Variants in TRPC4 observed in about 807,000 individuals in gnomAD.
TRPC4 encodes short transient receptor potential channel 4.
A neutral mutation model predicts 99.4 loss-of-function variants in TRPC4; 49 were observed. The observed-to-expected ratio is 0.49, with a 90% CI of 0.39 to 0.63. The LOEUF (loss-of-function observed/expected upper bound fraction) is 0.63. Ranked by LOEUF, TRPC4 falls within the 20% of genes least tolerant of loss-of-function variation. The pLI is 0.00. For missense variants in TRPC4, 898 were observed against 1,152.9 expected, an observed-to-expected ratio of 0.78 and a Z score of 3.20; for synonymous variants, 454 against 425.9, an observed-to-expected ratio of 1.07 and a Z score of -0.81.
At chr13:37,831,585 G>A (rs1024628582) in intron 1 of TRPC4, among the ~76,000 whole-genome samples, 2 of 152,100 alleles carry the variant, frequency 1.3e-5, no homozygotes, top group Admixed American at 6.6e-5. Flanking sequence ...GCCTTCCCAT[G>A]TTCATTACAG....
chr13:37,712,847 A>G (rs923256777), intron 3 of TRPC4, among the ~76,000 whole-genome samples: 3 of 152,150 alleles, frequency 2.0e-5, no homozygotes, highest in African/African-American at 7.2e-5. Context: ...AACACTGCAA[A>G]TGAGTTGCTT....
intron 1 of TRPC4, among the ~76,000 whole-genome samples, chr13:37,822,002 CTA>C (rs562932525): frequency 4.1e-4 from 62 of 152,102 alleles, no homozygotes; most frequent in African/African-American, 1.5e-3. Context: ...GGAAAAGAAA[CTA>C]TTAACAGATT....
chr13:37,789,546 A>C lies in TRPC4; in HGVS notation c.-27-6186T>G, dbSNP rs1333336727. ...TAGGTGAATCAAGGAATTAATGATTATACTCTTAGAGTTTTACTCTGCCAT... is the reference window on the plus strand; with the variant it reads ...TAGGTGAATCAAGGAATTAATGATTCTACTCTTAGAGTTTTACTCTGCCAT... On this transcript the variant is annotated intron_variant, in intron 1 of 10. Coordinates refer to ENST00000379705, the MANE Select transcript of TRPC4 (RefSeq NM_016179.4). 2.0e-5 allele frequency among the ~76,000 whole-genome samples: 3 copies of C among 152,186 alleles called. No individual in the cohort carries two copies. The South Asian group carries it at 6.2e-4, about 31-fold the overall frequency.
At chr13:37,836,365 G>A (rs1958565807) in intron 1 of TRPC4, among the ~76,000 whole-genome samples, 1 of 152,078 alleles carries the variant, frequency 6.6e-6, no homozygotes, top group Non-Finnish European at 1.5e-5. Context: ...GACAGTTTGG[G>A]GGGCTCAGAA....
intron 3 of TRPC4, among the ~76,000 whole-genome samples, chr13:37,736,795 C>A (rs761625855): frequency 2.1e-4 from 32 of 152,022 alleles, no homozygotes; most frequent in Non-Finnish European, 4.3e-4. Flanking sequence ...CTGGCGCAAT[C>A]ATGGCTCACT....
chr13:37,665,329 A>C (rs9603247), intron 5 of TRPC4, among the ~76,000 whole-genome samples: 37,190 of 152,130 alleles, frequency 0.24, 5,205 homozygotes, highest in East Asian at 0.68. Context: ...CTTGAGAAAT[A>C]TCCCCCTATG....
At chr13:37,806,489 G>A (rs1957532891) in intron 1 of TRPC4, among the ~76,000 whole-genome samples, 1 of 151,950 alleles carries the variant, frequency 6.6e-6, no homozygotes, top group African/African-American at 2.4e-5. Context: ...ATTTCCCAAG[G>A]ACCTTTTAGC....
intron 3 of TRPC4, among the ~76,000 whole-genome samples, chr13:37,737,226 G>GTAA (rs141469952): frequency 0.27 from 39,492 of 148,228 alleles, 6,573 homozygotes; most frequent in East Asian, 0.56. Flanking sequence ...ACAAAAAATA[G>GTAA]TAATAATAAT....
At chr13:37,679,526 A>T (rs974678413) in intron 4 of TRPC4, among the ~76,000 whole-genome samples, 2 of 152,202 alleles carry the variant, frequency 1.3e-5, no homozygotes, top group Non-Finnish European at 2.9e-5. Flanking sequence ...TCTATCATTA[A>T]TTAGTGAAAA....
chr13:37,793,361 G>A (rs1196855598), intron 1 of TRPC4, among the ~76,000 whole-genome samples: 1 of 151,880 alleles, frequency 6.6e-6, no homozygotes, highest in Non-Finnish European at 1.5e-5. Context: ...ATATATACAT[G>A]TGCCATGTTG....
At chr13:37,740,627 A>G (rs1955555522) in intron 3 of TRPC4, among the ~76,000 whole-genome samples, 1 of 152,134 alleles carries the variant, frequency 6.6e-6, no homozygotes, top group Non-Finnish European at 1.5e-5. Context: ...TACTAAGGCT[A>G]CACCCTATGT....
In TRPC4 at chr13:37,747,758, G is replaced by T. The variant is rs113094774; in HGVS notation, c.379-1303C>A. The stretch of plus-strand genomic sequence containing the variant: ...TAAAGATAATAGGAATGAAATTATC[G>T]ATTTAAAATATCCTTTACAGAGGTA... On this transcript the variant is annotated intron_variant, in intron 2 of 10. Coordinates refer to ENST00000379705, the MANE Select transcript of TRPC4 (RefSeq NM_016179.4). Among the ~76,000 whole-genome samples, 443 of 152,210 alleles carry T rather than the reference G, an allele frequency of 2.9e-3. 3 individuals are homozygous for T. The highest frequency in any genetic ancestry group is 0.01 in the African/African-American group (422 of 41,554).
chr13:37,704,323 A>C (rs1028038002), intron 3 of TRPC4, among the ~76,000 whole-genome samples: 2 of 152,294 alleles, frequency 1.3e-5, no homozygotes, highest in Admixed American at 1.3e-4. Flanking sequence ...TTTTACAAAA[A>C]CTTACCAAAG....
chr13:37,716,055 A>T (rs780269388), intron 3 of TRPC4, among the ~76,000 whole-genome samples: 2 of 152,194 alleles, frequency 1.3e-5, no homozygotes, highest in African/African-American at 2.4e-5. Context: ...TTAGAATGTA[A>T]TATGTTGTTT....
intron 3 of TRPC4, among the ~76,000 whole-genome samples, chr13:37,736,488 G>A (rs4941877): frequency 6.4e-4 from 97 of 152,240 alleles, no homozygotes; most frequent in Admixed American, 1.2e-3. Flanking sequence ...CTGAGGTGTA[G>A]CAGTCAGGTT....
intron 1 of TRPC4, among the ~76,000 whole-genome samples, chr13:37,832,562 A>G (rs1958452073): frequency 6.6e-6 from 1 of 151,978 alleles, no homozygotes; most frequent in African/African-American, 2.4e-5. Context: ...AACAACAAAA[A>G]CTCAATTTAT....
chr13:37,838,310 C>T lies in TRPC4; in HGVS notation c.-28+31285G>A, dbSNP rs555066211. Among the ~76,000 whole-genome samples the T allele has an allele frequency of 1.8e-3, 278 of 152,276 alleles. 1 individual carries two copies. The highest frequency in any genetic ancestry group is 3.3e-3 in the Non-Finnish European group (225 of 68,012). ...GTCACCTGGGAACTTATTAGGAATG[C>T]AAATTCACATGCTCTACCTCTCACC... On this transcript the variant is annotated intron_variant, in intron 1 of 10. Coordinates refer to ENST00000379705, the MANE Select transcript of TRPC4 (RefSeq NM_016179.4).
rs1283540824 is a variant in TRPC4 at position 37,783,144 on chromosome 13, T to C, written c.190A>G (p.Asn64Asp). Reference protein sequence around the residue: ...EAEIYFKININCIDPLGRTAL... With the variant: ...EAEIYFKINIDCIDPLGRTAL... ...GTTCTTCCGAGAGGATCAATGCAAT[T>C]AATATTGATTTTAAAATAAATTTCA... is the stretch of plus-strand genomic sequence containing the variant. The change falls in exon 2 of 11, where the codon AAT becomes GAT. Residue 64 changes from asparagine to aspartate, a missense_variant. Asn to Asp is a conservative substitution (Grantham distance 23). Transcript: ENST00000379705. 1 of 1,613,356 alleles carries C rather than the reference T, an allele frequency of 6.2e-7. No individual in the cohort carries two copies. Among genetic ancestry groups the C allele is most frequent in the East Asian group, 2.2e-5 (1 of 44,808 alleles).
chr13:37,753,595 GAGAGAGAGAGAGAA>G (rs950569992), intron 2 of TRPC4, among the ~76,000 whole-genome samples: 31 of 140,290 alleles, frequency 2.2e-4, no homozygotes, highest in Admixed American at 1.5e-3. Context: ...GAGAGAGAGA[GAGAGAGAGAGAGAA>G]AGAAAGAAAG....
Sources: gnomAD v4.1 joint callset for allele counts (sites outside exome capture counted in the v4.1 genomes callset) on GRCh38, gnomAD v4.1.1 for gene constraint, MANE v1.5 for transcripts, NCBI Gene and HGNC (gene_info 2026-07-23, HGNC 2026-07-21) for gene names.